Variants in XRCC4 observed in about 807,000 individuals in gnomAD.
The protein encoded by XRCC4 is X-ray repair cross complementing 4.
A neutral mutation model predicts 39.1 loss-of-function variants in XRCC4; 28 were observed. That is an observed-to-expected ratio of 0.72 (90% CI 0.53 to 0.98). XRCC4 has a LOEUF of 0.98. Among genes scored for constraint, XRCC4 ranks in the 50% least tolerant of loss-of-function variants. XRCC4 has a pLI of 0.00. For synonymous variants in XRCC4, 123 were observed against 126.4 expected, an observed-to-expected ratio of 0.97 and a Z score of 0.18; for missense variants, 350 against 376.4, an observed-to-expected ratio of 0.93 and a Z score of 0.58.
At chr5:83,182,757 G>A (rs28360110) in intron 3 of XRCC4, among the ~76,000 whole-genome samples, 4 of 152,248 alleles carry the variant, frequency 2.6e-5, no homozygotes, top group Non-Finnish European at 4.4e-5. Context: ...TCTTATAAAA[G>A]AGGCCTGAGC....
At chr5:83,104,496 T>G (rs1420297123) in intron 1 of XRCC4, among the ~76,000 whole-genome samples, 1 of 152,178 alleles carries the variant, frequency 6.6e-6, no homozygotes, top group East Asian at 1.9e-4. Flanking sequence ...TTGTTTTTTT[T>G]TAGTAGAGAC....
chr5:83,220,419 G>A (rs902579878), intron 6 of XRCC4, among the ~76,000 whole-genome samples: 2 of 152,102 alleles, frequency 1.3e-5, no homozygotes, highest in African/African-American at 4.8e-5. Context: ...CAATTCATCA[G>A]CATCGCCTGT....
At position 83,105,006 on chromosome 5, in the gene XRCC4, A is replaced by C. The variant is rs1484250582; in HGVS notation, c.87A>C (p.Glu29Asp). 1 of 1,613,652 alleles carries C rather than the reference A, an allele frequency of 6.2e-7. No individual in the cohort carries two copies. Among genetic ancestry groups the C allele is most frequent in the Non-Finnish European group, 8.5e-7 (1 of 1,179,776 alleles). Reference protein sequence around the residue: ...FLQVSWEKTLESGFVITLTDG... With the variant: ...FLQVSWEKTLDSGFVITLTDG... ...AAGTATCTTGGGAGAAAACACTGGA[A>C]TCTGGTTTTGTTATTACACTTACTG... The change falls in exon 2 of 8, where the codon GAA (glutamate) becomes GAC (aspartate). Residue 29 changes from glutamate to aspartate, a missense_variant. Physicochemically the swap from Glu to Asp is conservative, Grantham distance 45. Coordinates refer to ENST00000396027, the MANE Select transcript of XRCC4 (RefSeq NM_003401.5).
intron 7 of XRCC4, among the ~76,000 whole-genome samples, chr5:83,328,097 CA>C (rs1213946057): frequency 6.6e-6 from 1 of 151,842 alleles, no homozygotes; most frequent in Non-Finnish European, 1.5e-5. Flanking sequence ...TGGCGGGAGG[CA>C]AAAGGCACTT....
At chr5:83,192,772 T>C (rs1750771238) in intron 3 of XRCC4, among the ~76,000 whole-genome samples, 1 of 152,206 alleles carries the variant, frequency 6.6e-6, no homozygotes, top group African/African-American at 2.4e-5. Flanking sequence ...AAAAAAACTC[T>C]TAATTTTATC....
chr5:83,217,623 A>G (rs1486913090), intron 6 of XRCC4, among the ~76,000 whole-genome samples: 2 of 152,200 alleles, frequency 1.3e-5, no homozygotes, highest in African/African-American at 2.4e-5. Context: ...CCTCAGCACA[A>G]GGATGCAGAT....
rs1372567615 is a variant in XRCC4 at position 83,198,072 on chromosome 5, A to AT, written c.482+2138dup. Among the ~76,000 whole-genome samples the AT allele has an allele frequency of 3.9e-5, 6 of 152,134 alleles. 1 individual carries two copies. Among genetic ancestry groups the AT allele is most frequent in the African/African-American group, 1.4e-4 (6 of 41,424 alleles). On this transcript the variant is annotated intron_variant, in intron 4 of 7. Transcript: ENST00000396027. ...TAGCTTCCATAAGGCAGTAGTTCTGATTAAGTGTCTTTAGGGAGATTAGAA... is the reference window on the plus strand; with the variant it reads ...TAGCTTCCATAAGGCAGTAGTTCTGATTTAAGTGTCTTTAGGGAGATTAGAA...
At position 83,240,686 on chromosome 5, in the gene XRCC4, T is replaced by C. The variant is rs146491558; in HGVS notation, c.746-17844T>C. 2.2e-3 allele frequency among the ~76,000 whole-genome samples: 334 copies of C among 152,130 alleles called. 1 individual carries two copies. Among genetic ancestry groups the C allele is most frequent in the African/African-American group, 7.7e-3 (319 of 41,504 alleles). ...GAGTTACAAAACACACAAAGGTAGGTTCTGTATTCTTGTGTGTACAAGATA... is the reference window on the plus strand; with the variant it reads ...GAGTTACAAAACACACAAAGGTAGGCTCTGTATTCTTGTGTGTACAAGATA... On this transcript the variant is annotated intron_variant, in intron 6 of 7. Coordinates refer to ENST00000396027, the MANE Select transcript of XRCC4 (RefSeq NM_003401.5).
chr5:83,320,320 C>T (rs1756015708), intron 7 of XRCC4, among the ~76,000 whole-genome samples: 2 of 143,784 alleles, frequency 1.4e-5, no homozygotes, highest in Non-Finnish European at 3.0e-5. Flanking sequence ...AACTAACCTG[C>T]ACAATGTGCA....
At chr5:83,265,097 T>C (rs1753909713) in intron 7 of XRCC4, among the ~76,000 whole-genome samples, 1 of 152,166 alleles carries the variant, frequency 6.6e-6, no homozygotes, top group Admixed American at 6.6e-5. Context: ...TTTATTTTCA[T>C]ACCTTGATTC....
intron 5 of XRCC4, among the ~76,000 whole-genome samples, 186 bp downstream of exon 5, chr5:83,203,893 T>A (rs1426633817): frequency 6.6e-6 from 1 of 152,104 alleles, no homozygotes; most frequent in Non-Finnish European, 1.5e-5. Context: ...GGTCTCTCTA[T>A]GTCTGCTCAA....
intron 7 of XRCC4, among the ~76,000 whole-genome samples, chr5:83,351,556 C>T (rs1757083506): frequency 6.6e-6 from 1 of 152,178 alleles, no homozygotes; most frequent in Non-Finnish European, 1.5e-5. Flanking sequence ...TTATCCCATA[C>T]TATATCATTT....
At chr5:83,179,985 TG>T (rs1750136239) in intron 3 of XRCC4, among the ~76,000 whole-genome samples, 1 of 152,066 alleles carries the variant, frequency 6.6e-6, no homozygotes, top group South Asian at 2.1e-4. Context: ...GTAAGAATAG[TG>T]GTGAAGGTTT....
chr5:83,325,468 C>A (rs570770673), intron 7 of XRCC4, among the ~76,000 whole-genome samples: 2 of 152,152 alleles, frequency 1.3e-5, no homozygotes, highest in African/African-American at 2.4e-5. Context: ...TCCCCCAACA[C>A]CCCTCAACAG....
intron 6 of XRCC4, among the ~76,000 whole-genome samples, chr5:83,215,182 A>G (rs758468251): frequency 1.3e-5 from 2 of 151,872 alleles, no homozygotes; most frequent in Non-Finnish European, 2.9e-5. Context: ...CAAAAAATAC[A>G]AAAAAACTTA....
chr5:83,348,966 A>G (rs1757001071), intron 7 of XRCC4, among the ~76,000 whole-genome samples: 2 of 152,214 alleles, frequency 1.3e-5, no homozygotes, highest in Non-Finnish European at 2.9e-5. Context: ...TAACTTCCTT[A>G]TCTCCATCTG....
chr5:83,106,249 A>G (rs1746192638), intron 2 of XRCC4, among the ~76,000 whole-genome samples: 1 of 152,088 alleles, frequency 6.6e-6, no homozygotes, highest in African/African-American at 2.4e-5. Context: ...TAGGGTGAAG[A>G]GTGTATAAGG....
intron 7 of XRCC4, among the ~76,000 whole-genome samples, chr5:83,307,462 CA>C (rs1755528289): frequency 6.6e-6 from 1 of 152,136 alleles, no homozygotes; most frequent in East Asian, 1.9e-4. Flanking sequence ...TTTCTTAAGG[CA>C]AAATAGGATT....
At chr5:83,277,608 C>A (rs1422452366) in intron 7 of XRCC4, among the ~76,000 whole-genome samples, 1 of 152,182 alleles carries the variant, frequency 6.6e-6, no homozygotes, top group Admixed American at 6.5e-5. Flanking sequence ...CATCACACTC[C>A]TATGTCCATT....
Sources: allele counts gnomAD v4.1 joint callset (sites outside exome capture counted in the v4.1 genomes callset), GRCh38; gene constraint gnomAD v4.1.1; transcripts MANE v1.5; gene names NCBI Gene and HGNC (gene_info 2026-07-23, HGNC 2026-07-21).